UBR1: variants seen among roughly 807,000 people sequenced by gnomAD.
UBR1 encodes ubiquitin protein ligase E3 component n-recognin 1.
Under a neutral mutation model 242.1 loss-of-function variants are expected in UBR1, and 102 were observed. That is an observed-to-expected ratio of 0.42 (90% CI 0.36 to 0.50). UBR1 has a LOEUF of 0.50. Among genes scored for constraint, UBR1 ranks in the 20% least tolerant of loss-of-function variants. UBR1 has a pLI of 0.01. For missense variants in UBR1, 1,772 were observed against 2,101.8 expected (o/e 0.84, Z 3.07); for synonymous variants, 675 against 684.8 (o/e 0.99, Z 0.22).
At chr15:43,090,579 G>A (rs911340451) in intron 1 of UBR1, among the ~76,000 whole-genome samples, 6 of 151,352 alleles carry the variant, frequency 4.0e-5, no homozygotes, top group East Asian at 1.9e-4. Flanking sequence ...AATGTTCTAT[G>A]TTATACCTAA....
chr15:42,961,104 T>C (rs1175680577), intron 42 of UBR1, among the ~76,000 whole-genome samples: 2 of 150,662 alleles, frequency 1.3e-5, no homozygotes. Flanking sequence ...TCTATTTCTA[T>C]GTTCCCCCTT....
intron 3 of UBR1, among the ~76,000 whole-genome samples, chr15:43,079,621 A>G (rs190714785): frequency 2.0e-4 from 30 of 152,242 alleles, no homozygotes; most frequent in African/African-American, 7.0e-4. Flanking sequence ...CTACTAAAAA[A>G]TACAAAAAAA....
At chr15:43,101,004 A>G (rs2034227704) in intron 1 of UBR1, among the ~76,000 whole-genome samples, 1 of 152,240 alleles carries the variant, frequency 6.6e-6, no homozygotes, top group Non-Finnish European at 1.5e-5. Flanking sequence ...TTGACAGAGA[A>G]TAAGAGGAAC....
chr15:43,026,939 T>A (rs193015963), intron 22 of UBR1, among the ~76,000 whole-genome samples: 71 of 152,208 alleles, frequency 4.7e-4, no homozygotes, highest in Admixed American at 1.8e-3. Context: ...ATGCCCTATC[T>A]CTAAAGCTTC....
intron 44 of UBR1, among the ~76,000 whole-genome samples, chr15:42,952,901 C>T (rs183490471): frequency 7.9e-5 from 12 of 152,038 alleles, no homozygotes; most frequent in African/African-American, 2.2e-4. Context: ...CAGTAAGGGT[C>T]CAAACACATT....
At chr15:42,983,664 T>TTAATAA (rs758776932) in intron 37 of UBR1, among the ~76,000 whole-genome samples, 7 of 36,162 alleles carry the variant, frequency 1.9e-4, no homozygotes, top group African/African-American at 3.7e-4. Context: ...AAACTCCCAC[T>TTAATAA]CAATAATAAT....
intron 41 of UBR1, among the ~76,000 whole-genome samples, chr15:42,965,865 C>A (rs1296796483): frequency 6.6e-6 from 1 of 152,214 alleles, no homozygotes; most frequent in African/African-American, 2.4e-5. Context: ...TTTCTAATTT[C>A]TTGTATAGCA....
At chr15:43,081,422 A>G (rs2033973507) in intron 3 of UBR1, among the ~76,000 whole-genome samples, 1 of 150,426 alleles carries the variant, frequency 6.6e-6, no homozygotes, top group Admixed American at 6.6e-5. Flanking sequence ...CATCTCAAAA[A>G]AAAAAAAAAA....
At chr15:42,998,986 G>C (rs2032682647) in intron 32 of UBR1, among the ~76,000 whole-genome samples, 2 of 148,760 alleles carry the variant, frequency 1.3e-5, no homozygotes, top group Non-Finnish European at 1.5e-5. Context: ...CGCCAGGCTG[G>C]AATGCAGTAG....
intron 29 of UBR1, among the ~76,000 whole-genome samples, chr15:43,014,840 T>G (rs1414786824): frequency 6.3e-4 from 68 of 108,770 alleles, no homozygotes; most frequent in Admixed American, 8.5e-4. Flanking sequence ...GAGGTGGGGG[T>G]CAGCCCCCGC....
At chr15:43,067,118 C>T (rs1409546794) in intron 6 of UBR1, among the ~76,000 whole-genome samples, 3 of 152,084 alleles carry the variant, frequency 2.0e-5, no homozygotes, top group East Asian at 1.9e-4. Flanking sequence ...AAAGAGTTGA[C>T]TTATGGTTAT....
At chr15:43,010,326 GA>G (rs757798731) in intron 29 of UBR1, among the ~76,000 whole-genome samples, 296 of 141,312 alleles carry the variant, frequency 2.1e-3, no homozygotes, top group Admixed American at 2.1e-3. Context: ...AGTACTACAT[GA>G]AAAAAAAAAA....
chr15:43,026,232 A>G, intron 23 of UBR1: 1 of 271,416 alleles, frequency 3.7e-6, no homozygotes, highest in Non-Finnish European at 7.1e-6. Flanking sequence ...GCTCCATTTC[A>G]CAAAACAAAA....
intron 14 of UBR1, among the ~76,000 whole-genome samples, chr15:43,045,393 G>C (rs1489628841): frequency 6.6e-6 from 1 of 152,144 alleles, no homozygotes; most frequent in African/African-American, 2.4e-5. Context: ...TGTGAGGCCA[G>C]GAGGTCAAGG....
chr15:43,054,735 A>T lies in UBR1; in HGVS notation c.1439+7T>A, dbSNP rs772932062. ...GGTGCCCTCACCTTTTGACTTGAACAACTTACTTTAGGTCACATATTACTG... is the reference window on the plus strand; with the variant it reads ...GGTGCCCTCACCTTTTGACTTGAACTACTTACTTTAGGTCACATATTACTG... On this transcript the variant is annotated splice_region_variant and intron_variant, in intron 12 of 46. Transcript: ENST00000290650. 1 of 1,613,936 alleles carries T rather than the reference A, an allele frequency of 6.2e-7. No homozygotes were observed. Among genetic ancestry groups the T allele is most frequent in the Non-Finnish European group, 8.5e-7 (1 of 1,179,988 alleles).
Position 42,988,982 on chromosome 15 carries a change from A to T in UBR1, c.3849-15T>A, listed in dbSNP as rs1567117137. 1.9e-6 allele frequency: 3 copies of T among 1,584,746 alleles called. No individual in the cohort carries two copies. The highest frequency in any genetic ancestry group is 2.6e-6 in the Non-Finnish European group (3 of 1,154,370). ...AATATTTAATCCTATAAATAAAACAAGAAAATTTGTATGATTTAGTAAAAG... is the reference window on the plus strand; with the variant it reads ...AATATTTAATCCTATAAATAAAACATGAAAATTTGTATGATTTAGTAAAAG... On this transcript the variant is annotated splice_polypyrimidine_tract_variant and intron_variant, in intron 34 of 46. Coordinates refer to ENST00000290650, the MANE Select transcript of UBR1 (RefSeq NM_174916.3).
Position 42,958,042 on chromosome 15 carries a change from G to A in UBR1, c.4806C>T (p.Ser1602=). The stretch of plus-strand genomic sequence containing the variant: ...AATGAGAAGCTTGATTCAGGAGGCA[G>A]CTATAGTCATCAGGAAGCTCTATCA... ...NSLIELPDDY[S]CLLNQASHFR... The change falls in exon 44 of 47, where the codon AGC becomes AGT. Residue 1602 remains serine, a synonymous_variant. Coordinates refer to ENST00000290650, the MANE Select transcript of UBR1 (RefSeq NM_174916.3). The A allele has an allele frequency of 6.2e-7, 1 of 1,613,528 alleles. No homozygotes were observed. The highest frequency in any genetic ancestry group is 1.1e-5 in the South Asian group (1 of 91,072).
intron 43 of UBR1, among the ~76,000 whole-genome samples, chr15:42,959,454 A>G (rs1188522022): frequency 6.6e-6 from 1 of 152,176 alleles, no homozygotes; most frequent in East Asian, 1.9e-4. Flanking sequence ...CTATAGCACT[A>G]ATGGTATATT....
chr15:42,947,048 G>A (rs911185089), intron 46 of UBR1, among the ~76,000 whole-genome samples: 2 of 152,142 alleles, frequency 1.3e-5, no homozygotes, highest in Non-Finnish European at 2.9e-5. Flanking sequence ...CTACTTGGGA[G>A]GCTGAGGCAG....
Sources: gnomAD v4.1 joint callset for allele counts (sites outside exome capture counted in the v4.1 genomes callset) on GRCh38, gnomAD v4.1.1 for gene constraint, MANE v1.5 for transcripts, NCBI Gene and HGNC (gene_info 2026-07-23, HGNC 2026-07-21) for gene names.